Variants in SLC6A11 observed in about 807,000 individuals in gnomAD.
SLC6A11 encodes the protein sodium- and chloride-dependent GABA transporter 3.
In SLC6A11, 25 loss-of-function variants were observed where a neutral mutation model predicts 74.8. The ratio of observed to expected loss-of-function variants is 0.33; its 90% CI spans 0.24 to 0.47. The LOEUF is 0.47. Ranked by LOEUF, SLC6A11 falls within the 20% of genes least tolerant of loss-of-function variation. The probability of loss-of-function intolerance (pLI) is 1.00; values close to 1 mark genes in which losing one functional copy is unlikely to be tolerated. For synonymous variants in SLC6A11, 330 were observed against 330.2 expected, an observed-to-expected ratio of 1.00 and a Z score of 0.01; for missense variants, 574 against 837.0, an observed-to-expected ratio of 0.69 and a Z score of 3.88.
intron 6 of SLC6A11, among the ~76,000 whole-genome samples, chr3:10,897,868 A>G (rs7636799): frequency 0.82 from 125,482 of 152,264 alleles, 52,220 homozygotes; most frequent in African/African-American, 0.94. Context: ...GGTTCTCCAT[A>G]AGCACCCTGC....
intron 5 of SLC6A11, among the ~76,000 whole-genome samples, chr3:10,855,802 AG>A (rs1694632316): frequency 6.6e-6 from 1 of 152,236 alleles, no homozygotes; most frequent in Admixed American, 6.5e-5. Context: ...TCCCGGAAGC[AG>A]GAGAAATAGG....
At chr3:10,917,090 C>G (rs1338530564) in intron 7 of SLC6A11, among the ~76,000 whole-genome samples, 1 of 152,112 alleles carries the variant, frequency 6.6e-6, no homozygotes, top group Non-Finnish European at 1.5e-5. Flanking sequence ...GAGTGTATTA[C>G]AGATTTCAAG....
chr3:10,921,065 G>A (rs929304936), intron 8 of SLC6A11, among the ~76,000 whole-genome samples: 2 of 152,200 alleles, frequency 1.3e-5, no homozygotes, highest in Non-Finnish European at 2.9e-5. Context: ...TTCGGAGACT[G>A]AGCCAGGGAG....
At chr3:10,882,687 C>T (rs1341405759) in intron 6 of SLC6A11, among the ~76,000 whole-genome samples, 5 of 152,098 alleles carry the variant, frequency 3.3e-5, no homozygotes, top group East Asian at 1.9e-4. Context: ...TTTTGCGTTA[C>T]GGTTGCAGTT....
rs540136296 is a variant in SLC6A11, at chr3:10,929,810, A to T, written c.1371+471A>T. Among the ~76,000 whole-genome samples the T allele has an allele frequency of 8.7e-4, 132 of 152,150 alleles. 4 individuals are homozygous for T. Among genetic ancestry groups the T allele is most frequent in the Non-Finnish European group, 4.9e-4 (33 of 68,020 alleles). ...CCATGTGCACCAGCCTGGGACTTCTATGCGTGCCCCTCTTCTCATTGTCCC... is the reference window on the plus strand; with the variant it reads ...CCATGTGCACCAGCCTGGGACTTCTTTGCGTGCCCCTCTTCTCATTGTCCC... On this transcript the variant is annotated intron_variant, in intron 10 of 13. Transcript: ENST00000254488.
At chr3:10,886,139 A>AT (rs2106612391) in intron 6 of SLC6A11, among the ~76,000 whole-genome samples, 1 of 152,292 alleles carries the variant, frequency 6.6e-6, no homozygotes, top group African/African-American at 2.4e-5. Context: ...AGCCCTGCAC[A>AT]TTGTCTACTA....
At chr3:10,922,769 C>T (rs1204761010) in intron 8 of SLC6A11, among the ~76,000 whole-genome samples, 1 of 152,008 alleles carries the variant, frequency 6.6e-6, no homozygotes, top group Non-Finnish European at 1.5e-5. Flanking sequence ...CCTAACTGTA[C>T]TACAAATGAA....
intron 10 of SLC6A11, among the ~76,000 whole-genome samples, chr3:10,931,341 G>T (rs1362524036): frequency 6.6e-6 from 1 of 152,194 alleles, no homozygotes; most frequent in Non-Finnish European, 1.5e-5. Flanking sequence ...GCTGCATTAA[G>T]GTTTCTTTGT....
rs903043259 is a variant in SLC6A11, at chr3:10,846,867, C to T, written c.756+2521C>T. ...ATAGTGACCCTGCCTCAACACTGACCCCAGGCTACTCCCTCCTTGCCTCTC... is the reference window on the plus strand; with the variant it reads ...ATAGTGACCCTGCCTCAACACTGACTCCAGGCTACTCCCTCCTTGCCTCTC... On this transcript the variant is annotated intron_variant, in intron 5 of 13. Coordinates refer to ENST00000254488, the MANE Select transcript of SLC6A11 (RefSeq NM_014229.3). 4.6e-5 allele frequency among the ~76,000 whole-genome samples: 7 copies of T among 152,132 alleles called. 1 individual carries two copies. The East Asian group carries it at 1.3e-3, about 29-fold the overall frequency.
chr3:10,874,535 C>T (rs1361143800), intron 5 of SLC6A11, among the ~76,000 whole-genome samples: 1 of 152,164 alleles, frequency 6.6e-6, no homozygotes, highest in East Asian at 1.9e-4. Flanking sequence ...GAACACTTAA[C>T]ATGAGATCTG....
chr3:10,874,892 T>C, intron 5 of SLC6A11, 69 bp from the exon 6 acceptor site: 1 of 1,478,054 alleles, frequency 6.8e-7, no homozygotes, highest in Non-Finnish European at 9.2e-7. Flanking sequence ...CCAAAGGACA[T>C]TGTGCTGAGT....
chr3:10,897,150 C>T lies in SLC6A11; in HGVS notation c.892-14940C>T, dbSNP rs181558792. ...GCCCCCATGATTCAATTACCTCCCA[C>T]CAGATCCCTCCTATAACACGTAGGA... On this transcript the variant is annotated intron_variant, in intron 6 of 13. Coordinates refer to ENST00000254488, the MANE Select transcript of SLC6A11 (RefSeq NM_014229.3). Among the ~76,000 whole-genome samples, 390 of 152,312 alleles carry T rather than the reference C, an allele frequency of 2.6e-3. 11 individuals carry two copies. The highest frequency in any genetic ancestry group is 4.0e-4 in the Non-Finnish European group (27 of 68,032).
At chr3:10,928,120 G>A (rs895340525) in intron 9 of SLC6A11, among the ~76,000 whole-genome samples, 4 of 152,152 alleles carry the variant, frequency 2.6e-5, no homozygotes, top group Admixed American at 6.5e-5. Flanking sequence ...ATAAGTTAAT[G>A]TATGCCAACT....
rs1320308191 is a variant in SLC6A11 at position 10,939,959 on chromosome 3, T to G, written c.*1557T>G. The G allele has an allele frequency of 6.6e-6, 1 of 152,230 alleles. No homozygotes were observed. The highest frequency in any genetic ancestry group is 1.9e-4 in the East Asian group (1 of 5,196). The allele number at this position is 152,230 out of a possible 1,614,324, so 9.4% of individuals were successfully genotyped here. On this transcript the variant is annotated 3_prime_UTR_variant, in exon 14 of 14. Coordinates refer to ENST00000254488, the MANE Select transcript of SLC6A11 (RefSeq NM_014229.3). Reference sequence around the variant, plus strand: ...TCCTTTTTCCTTAGGTTCCCAATATTATTTGGTGGAAACGTGGGCTTTCTC... The same window carrying G: ...TCCTTTTTCCTTAGGTTCCCAATATGATTTGGTGGAAACGTGGGCTTTCTC...
chr3:10,868,697 C>A (rs1694793293), intron 5 of SLC6A11, among the ~76,000 whole-genome samples: 1 of 152,188 alleles, frequency 6.6e-6, no homozygotes, highest in Non-Finnish European at 1.5e-5. Flanking sequence ...CTTGATGGTA[C>A]CTTGTCAGAG....
chr3:10,829,745 C>T (rs1340517353), intron 4 of SLC6A11, among the ~76,000 whole-genome samples: 2 of 152,146 alleles, frequency 1.3e-5, no homozygotes, highest in East Asian at 1.9e-4. Context: ...GCTTACAAAG[C>T]TCCTAGCATG....
intron 6 of SLC6A11, among the ~76,000 whole-genome samples, chr3:10,903,958 C>G (rs886664974): frequency 1.3e-5 from 2 of 152,264 alleles, no homozygotes; most frequent in African/African-American, 4.8e-5. Flanking sequence ...AGACATTCTA[C>G]TTGCATGATC....
In SLC6A11 at chr3:10,933,266, C is replaced by T. The variant is rs1013820980; in HGVS notation, c.1474+13C>T. The T allele has an allele frequency of 1.9e-6, 3 of 1,587,648 alleles. No individual in the cohort carries two copies. The highest frequency in any genetic ancestry group is 2.6e-6 in the Non-Finnish European group (3 of 1,155,912). On this transcript the variant is annotated intron_variant, in intron 11 of 13. Transcript: ENST00000254488. The stretch of plus-strand genomic sequence containing the variant: ...GGCTGGGTGTATGGTGAGTAGCAGC[C>T]AAGCCCGTCCACACCCCAGCTGCCC...
intron 5 of SLC6A11, among the ~76,000 whole-genome samples, chr3:10,847,810 C>T (rs996987133): frequency 3.9e-5 from 6 of 152,166 alleles, no homozygotes; most frequent in Non-Finnish European, 8.8e-5. Flanking sequence ...GCCCAGCATC[C>T]AAAGGTTTTT....
Sources: gnomAD v4.1 joint callset for allele counts (sites outside exome capture counted in the v4.1 genomes callset) on GRCh38, gnomAD v4.1.1 for gene constraint, MANE v1.5 for transcripts, NCBI Gene and HGNC (gene_info 2026-07-23, HGNC 2026-07-21) for gene names.